SLC9A9: variants seen among roughly 807,000 people sequenced by gnomAD.
SLC9A9 encodes solute carrier family 9 member A9, also known as sodium/hydrogen exchanger 9.
SLC9A9 carries 62 observed loss-of-function variants against 77.8 expected under a neutral mutation model. That is an observed-to-expected ratio of 0.80 (90% confidence interval 0.65 to 0.98). SLC9A9 has a LOEUF of 0.98. Ranked by LOEUF, SLC9A9 falls within the 50% of genes least tolerant of loss-of-function variation. The pLI is 0.00. For missense variants in SLC9A9, 775 were observed against 774.9 expected (o/e 1.00, Z 0.00); for synonymous variants, 320 against 283.5 (o/e 1.13, Z -1.29).
At chr3:143,292,053 C>G (rs2030017891) in intron 14 of SLC9A9, among the ~76,000 whole-genome samples, 1 of 152,214 alleles carries the variant, frequency 6.6e-6, no homozygotes, top group African/African-American at 2.4e-5. Flanking sequence ...CCTGGTCTAA[C>G]CTGCTACTCC....
At chr3:143,633,183 A>G (rs2038456154) in intron 6 of SLC9A9, among the ~76,000 whole-genome samples, 1 of 152,224 alleles carries the variant, frequency 6.6e-6, no homozygotes, top group African/African-American at 2.4e-5. Flanking sequence ...ATCAGGATAC[A>G]GCATAAATAC....
At chr3:143,685,916 G>A (rs1225523426) in intron 5 of SLC9A9, among the ~76,000 whole-genome samples, 1 of 152,162 alleles carries the variant, frequency 6.6e-6, no homozygotes, top group African/African-American at 2.4e-5. Flanking sequence ...TACATGGTTG[G>A]ACAAGAGGAA....
At chr3:143,393,801 C>T (rs1292533692) in intron 12 of SLC9A9, among the ~76,000 whole-genome samples, 1 of 151,696 alleles carries the variant, frequency 6.6e-6, no homozygotes, top group Non-Finnish European at 1.5e-5. Context: ...TACAAACTAC[C>T]ATCAGAGAAT....
chr3:143,635,508 G>A (rs887826530), intron 6 of SLC9A9, among the ~76,000 whole-genome samples: 1 of 152,106 alleles, frequency 6.6e-6, no homozygotes. Flanking sequence ...TGTAGTTTAT[G>A]GCATTCAAAT....
At chr3:143,373,604 G>GAAAA (rs1559887556) in intron 13 of SLC9A9, among the ~76,000 whole-genome samples, 3 of 19,590 alleles carry the variant, frequency 1.5e-4, no homozygotes, top group Non-Finnish European at 2.2e-4. Flanking sequence ...CACTGAAATA[G>GAAAA]TAAAAAAAAA....
At chr3:143,695,535 T>C (rs146104617) in intron 4 of SLC9A9, among the ~76,000 whole-genome samples, 3 of 152,328 alleles carry the variant, frequency 2.0e-5, no homozygotes, top group African/African-American at 7.2e-5. Context: ...CATGGCTGCA[T>C]AGTATTCCAT....
chr3:143,730,824 A>G (rs1481272817), intron 4 of SLC9A9, among the ~76,000 whole-genome samples: 1 of 152,176 alleles, frequency 6.6e-6, no homozygotes, highest in African/African-American at 2.4e-5. Flanking sequence ...TTACACCCAC[A>G]CCACTACTAA....
intron 6 of SLC9A9, among the ~76,000 whole-genome samples, chr3:143,580,641 A>G (rs2037436316): frequency 1.3e-5 from 2 of 152,332 alleles, no homozygotes; most frequent in South Asian, 4.2e-4. Flanking sequence ...ATTTAGAAAA[A>G]GAAAGTTCAC....
chr3:143,350,299 A>C (rs968162957), intron 14 of SLC9A9, among the ~76,000 whole-genome samples: 1 of 152,066 alleles, frequency 6.6e-6, no homozygotes, highest in Non-Finnish European at 1.5e-5. Context: ...CATTGCAACT[A>C]CCATAATTGA....
At chr3:143,610,949 C>T (rs2038013437) in intron 6 of SLC9A9, among the ~76,000 whole-genome samples, 1 of 151,684 alleles carries the variant, frequency 6.6e-6, no homozygotes, top group South Asian at 2.1e-4. Context: ...GGGCTTTCTA[C>T]AGAAGTGAGG....
intron 12 of SLC9A9, among the ~76,000 whole-genome samples, chr3:143,463,505 G>T (rs766274412): frequency 7.9e-5 from 12 of 152,102 alleles, no homozygotes; most frequent in Non-Finnish European, 1.5e-4. Context: ...AACACCTTTG[G>T]TCTTTTTTGT....
chr3:143,436,961 C>T (rs2034632316), intron 12 of SLC9A9, among the ~76,000 whole-genome samples: 1 of 152,234 alleles, frequency 6.6e-6, no homozygotes. Context: ...TTATGTATAA[C>T]CAGGCATTGA....
intron 8 of SLC9A9, among the ~76,000 whole-genome samples, chr3:143,552,807 C>T (rs901790591): frequency 7.9e-5 from 12 of 152,300 alleles, no homozygotes; most frequent in African/African-American, 2.6e-4. Context: ...GTGCCAACTA[C>T]TTTGCTGGAT....
chr3:143,426,726 T>C (rs3860228), intron 12 of SLC9A9, among the ~76,000 whole-genome samples: 13,085 of 152,336 alleles, frequency 0.086, 744 homozygotes, highest in South Asian at 0.17. Flanking sequence ...TTTAGGTTAA[T>C]AGAAAACTGT....
At chr3:143,712,051 G>A (rs551801327) in intron 4 of SLC9A9, among the ~76,000 whole-genome samples, 3 of 152,236 alleles carry the variant, frequency 2.0e-5, no homozygotes, top group Admixed American at 1.3e-4. Context: ...CTCGATATAT[G>A]GACTGGCTTT....
At chr3:143,637,475 T>C (rs1201377671) in intron 6 of SLC9A9, among the ~76,000 whole-genome samples, 1 of 152,206 alleles carries the variant, frequency 6.6e-6, no homozygotes, top group Non-Finnish European at 1.5e-5. Context: ...TTGATAAATA[T>C]GGATTTTCCT....
At chr3:143,456,721 T>C (rs1403279745) in intron 12 of SLC9A9, among the ~76,000 whole-genome samples, 3 of 151,954 alleles carry the variant, frequency 2.0e-5, no homozygotes, top group Non-Finnish European at 4.4e-5. Flanking sequence ...CCTGTCACCA[T>C]GCCTGACTAA....
chr3:143,539,945 T>A (rs1458005123), intron 9 of SLC9A9, among the ~76,000 whole-genome samples: 1 of 151,732 alleles, frequency 6.6e-6, no homozygotes, highest in Non-Finnish European at 1.5e-5. Context: ...CTCTACATAG[T>A]GAGAAAGAAT....
chr3:143,829,862 T>A (rs2009390039), intron 2 of SLC9A9, among the ~76,000 whole-genome samples: 1 of 152,192 alleles, frequency 6.6e-6, no homozygotes, highest in African/African-American at 2.4e-5. Flanking sequence ...TTTATACACA[T>A]CATCTCATTT....
Sources: allele counts gnomAD v4.1 joint callset (sites outside exome capture counted in the v4.1 genomes callset), GRCh38; gene constraint gnomAD v4.1.1; transcripts MANE v1.5; gene names NCBI Gene and HGNC (gene_info 2026-07-23, HGNC 2026-07-21).